SBNO2: variants seen among roughly 807,000 people sequenced by gnomAD.
The protein encoded by SBNO2 is protein strawberry notch homolog 2.
In SBNO2, 89 loss-of-function variants were observed where a neutral mutation model predicts 146.3. That is an observed-to-expected ratio of 0.61 (90% CI 0.51 to 0.73). The LOEUF (loss-of-function observed/expected upper bound fraction) is 0.73, where lower values mean the gene tolerates loss of function less well. Ranked by LOEUF, SBNO2 falls within the 30% of genes least tolerant of loss-of-function variation. The probability of loss-of-function intolerance (pLI) is 0.00; values close to 1 mark genes in which losing one functional copy is unlikely to be tolerated. For synonymous variants in SBNO2, 1,147 were observed against 892.6 expected (o/e 1.29, Z -5.08); for missense variants, 2,092 against 2,003.7 (o/e 1.04, Z -0.84).
At chr19:1,123,707 G>T in intron 6 of SBNO2, 68 bp from the exon 7 acceptor site, 1 of 1,452,878 alleles carries the variant, frequency 6.9e-7, no homozygotes, top group Non-Finnish European at 9.4e-7. Flanking sequence ...GGCTCCCCCA[G>T]GGGCAGGGGC....
chr19:1,111,090 A>G lies in SBNO2; in HGVS notation c.2813T>C (p.Met938Thr). The change falls in exon 25 of 32, where the codon ATG becomes ACG. Residue 938 changes from methionine to threonine, a missense_variant. By Grantham distance (81) the Met-to-Thr change is moderately conservative (BLOSUM62 -1). Transcript: ENST00000361757. ...PGGVPTFFRD[M>T]KQGLLSVGIG... ...GCCCACAGACAGCAGGCCCTGCTTC[A>G]TGTCTGCGGGGAGAGGGGCCTCACA... 6.5e-7 allele frequency: 1 copy of G among 1,549,700 alleles called. No homozygotes were observed. Among genetic ancestry groups the G allele is most frequent in the Non-Finnish European group, 8.7e-7 (1 of 1,148,788 alleles).
Position 1,109,737 on chromosome 19 carries a change from C to G in SBNO2, c.3069G>C (p.Gln1023His). The G allele has an allele frequency of 6.2e-7, 1 of 1,605,738 alleles. No individual in the cohort carries two copies. The highest frequency in any genetic ancestry group is 8.5e-7 in the Non-Finnish European group (1 of 1,175,312). Reference protein sequence around the residue: ...PGIEEIYEESQQVFLAPGHPQ... With the variant: ...PGIEEIYEESHQVFLAPGHPQ... ...GGTGCCCGGGAGCCAGGAACACCTG[C>G]TGGCTCTCCTCGTAGATCTCCTCGA... Residue 1023 changes from glutamine to histidine, a missense_variant, in exon 27 of 32, where the codon CAG becomes CAC. Transcript: ENST00000361757. This position sits in a 1 kb window ranked among gnomAD's most constrained non-coding sequence, Gnocchi z 4.2.
chr19:1,163,928 G>A (rs865856475), intron 1 of SBNO2, among the ~76,000 whole-genome samples: 1 of 152,302 alleles, frequency 6.6e-6, no homozygotes, highest in East Asian at 1.9e-4. Context: ...CATACCCCAG[G>A]AGCCCACGTG....
At chr19:1,123,446 G>T in intron 7 of SBNO2, 88 bp downstream of exon 7, 1 of 1,078,894 alleles carries the variant, frequency 9.3e-7, no homozygotes, top group Non-Finnish European at 1.4e-6. Flanking sequence ...CCCTCTGTGG[G>T]CTGTGCGGGC....
rs1451263923 is a variant in SBNO2 at position 1,149,350 on chromosome 19, G to C, written c.167+19C>G. The stretch of plus-strand genomic sequence containing the variant: ...ATGAGCAAGCCTGGGGGCCAGGCGG[G>C]GAGGGTCCCGGTACTCACCGGCTGT... On this transcript the variant is annotated intron_variant, in intron 3 of 31. Transcript: ENST00000361757. The C allele has an allele frequency of 1.9e-6, 3 of 1,549,552 alleles. No homozygotes were observed. The highest frequency in any genetic ancestry group is 2.6e-6 in the Non-Finnish European group (3 of 1,146,054).
chr19:1,109,502 C>A lies in SBNO2; in HGVS notation c.3216+4G>T. 1 of 1,592,468 alleles carries A rather than the reference C, an allele frequency of 6.3e-7. No individual in the cohort carries two copies. Among genetic ancestry groups the A allele is most frequent in the Non-Finnish European group, 8.5e-7 (1 of 1,170,998 alleles). On this transcript the variant is annotated splice_donor_region_variant and intron_variant, in intron 28 of 31. Transcript: ENST00000361757. The surrounding 1 kb of genome is among the most constrained non-coding windows in gnomAD (Gnocchi z 4.2). ...TCTGGGGGGGTAACCCCGCCCGACC[C>A]CACCTTGTAGGAGAGGTAGAAGCCG...
chr19:1,170,026 C>T (rs986221044), intron 1 of SBNO2, among the ~76,000 whole-genome samples: 24 of 152,222 alleles, frequency 1.6e-4, no homozygotes, highest in Non-Finnish European at 7.3e-5. Flanking sequence ...CATCTGTGGA[C>T]TGCCCTGCTC....
Position 1,116,842 on chromosome 19 carries a change from C to A in SBNO2, c.1789G>T (p.Val597Phe), listed in dbSNP as rs375519267. 8.2e-6 allele frequency: 13 copies of A among 1,590,036 alleles called. No homozygotes were observed. Among genetic ancestry groups the A allele is most frequent in the African/African-American group, 2.7e-5 (2 of 74,510 alleles). ...GENDGHLNCFVSAAEGVFLSL... is the reference protein window; with the variant it reads ...GENDGHLNCFFSAAEGVFLSL... ...CGTGACACTTACTCAGCGGCCGAGACGAAGCAGTTGAGGTGCCCATCGTTC... is the reference window on the plus strand; with the variant it reads ...CGTGACACTTACTCAGCGGCCGAGAAGAAGCAGTTGAGGTGCCCATCGTTC... The change falls in exon 16 of 32, where the codon GTC becomes TTC. Residue 597 changes from valine to phenylalanine, a missense_variant. Physicochemically the swap from Val to Phe is conservative, Grantham distance 50. Transcript: ENST00000361757.
intron 1 of SBNO2, among the ~76,000 whole-genome samples, chr19:1,165,232 C>T (rs1055593004): frequency 6.6e-5 from 10 of 152,138 alleles, no homozygotes; most frequent in African/African-American, 2.4e-4. Flanking sequence ...TCAGCTGACC[C>T]CACAGCCCCA....
At chr19:1,146,248 C>T (rs1226437367) in intron 4 of SBNO2, among the ~76,000 whole-genome samples, 1 of 152,198 alleles carries the variant, frequency 6.6e-6, no homozygotes, top group Non-Finnish European at 1.5e-5. Flanking sequence ...ACTTGACGGA[C>T]GCGGTCACCC....
rs145686910 is a variant in SBNO2 at position 1,136,971 on chromosome 19, AG to A, written c.280-9207del. Among the ~76,000 whole-genome samples, 1 of 151,366 alleles carries A rather than the reference AG, an allele frequency of 6.6e-6. No individual in the cohort carries two copies. Among genetic ancestry groups the A allele is most frequent in the African/African-American group, 2.4e-5 (1 of 41,104 alleles). The stretch of plus-strand genomic sequence containing the variant: ...GTCCTCACAGGACAGGTGGTGGGCA[AG>A]GGGGCAGCACCTGGGGAATGGGGAT... On this transcript the variant is annotated intron_variant, in intron 4 of 31. Transcript: ENST00000361757. This position sits in a 1 kb window ranked among gnomAD's most constrained non-coding sequence, Gnocchi z 4.2.
chr19:1,110,847 C>G lies in SBNO2; in HGVS notation c.2926G>C (p.Glu976Gln). 1 of 1,613,704 alleles carries G rather than the reference C, an allele frequency of 6.2e-7. No homozygotes were observed. Among genetic ancestry groups the G allele is most frequent in the East Asian group, 2.2e-5 (1 of 44,874 alleles). The change falls in exon 26 of 32, where the codon GAG becomes CAG. Residue 976 changes from glutamate (E) to glutamine (Q), a missense_variant. By Grantham distance (29) the Glu-to-Gln change is conservative. Transcript: ENST00000361757. The surrounding 1 kb of genome is among the most constrained non-coding windows in gnomAD (Gnocchi z 4.9). Reference protein sequence around the residue: ...TKFLNRILGLEVHKQNALFQY... With the variant: ...TKFLNRILGLQVHKQNALFQY... ...AACAGGGCGTTCTGCTTGTGCACCT[C>G]CAGCCCCAGGATGCGGTTCAGGAAC... is the stretch of plus-strand genomic sequence containing the variant.
chr19:1,113,666 CG>C lies in SBNO2; in HGVS notation c.2115del (p.Val707SerfsTer8). ...LCLLQRDPHG[P>X]GVLERVERLK... ...AGCCGCTCCACCCGCTCCAGGACCCCGGGGCCATGCGGGTCTCTCTGCAGGA... is the reference window on the plus strand; with the variant it reads ...AGCCGCTCCACCCGCTCCAGGACCCCGGGCCATGCGGGTCTCTCTGCAGGA... On this transcript the variant is annotated frameshift_variant, in exon 19 of 32. Coordinates refer to ENST00000361757, the MANE Select transcript of SBNO2 (RefSeq NM_014963.3). LOFTEE classifies it high-confidence loss of function. The C allele has an allele frequency of 6.3e-7, 1 of 1,592,862 alleles. No homozygotes were observed. Among genetic ancestry groups the C allele is most frequent in the Non-Finnish European group, 8.5e-7 (1 of 1,170,880 alleles).
At position 1,158,266 on chromosome 19, in the gene SBNO2, G is replaced by A. The variant is rs751659990; in HGVS notation, c.-126-3864C>T. Among the ~76,000 whole-genome samples, 8 of 152,176 alleles carry A rather than the reference G, an allele frequency of 5.3e-5. No homozygotes were observed. The highest frequency in any genetic ancestry group is 1.0e-4 in the Non-Finnish European group (7 of 68,028). On this transcript the variant is annotated intron_variant, in intron 1 of 31. Coordinates refer to ENST00000361757, the MANE Select transcript of SBNO2 (RefSeq NM_014963.3). The surrounding 1 kb of genome is among the most constrained non-coding windows in gnomAD (Gnocchi z 9.9). Reference sequence around the variant, plus strand: ...CGCGCTCCGCCCTCAGACCCGAGCCGTCTGCAGATGGGGAGCTGTGTCCTC... The same window carrying A: ...CGCGCTCCGCCCTCAGACCCGAGCCATCTGCAGATGGGGAGCTGTGTCCTC...
Position 1,108,277 on chromosome 19 carries a change from C to T in SBNO2, c.4044G>A (p.Glu1348=), listed in dbSNP as rs751224663. ...GGCTGAACTGGATCACGCTCTGCCG[C>T]TCGGGACCACCGCCCGCCGCGCCCC... ...GAGGAAGGGP[E]RQSVIQFSPP... The change falls in exon 32 of 32, where the codon GAG becomes GAA. Residue 1348 remains glutamate, a synonymous_variant. Transcript: ENST00000361757. The T allele has an allele frequency of 8.6e-6, 13 of 1,512,692 alleles. No homozygotes were observed. Among genetic ancestry groups the T allele is most frequent in the South Asian group, 2.4e-5 (2 of 82,310 alleles). The allele number at this position is 1,512,692 out of a possible 1,614,324, so 93.7% of individuals were successfully genotyped here.
chr19:1,166,595 G>A (rs978153237), intron 1 of SBNO2, among the ~76,000 whole-genome samples: 2 of 141,276 alleles, frequency 1.4e-5, no homozygotes, highest in Non-Finnish European at 3.1e-5. Context: ...CTGGGCAACA[G>A]AGCGAGACCG....
intron 4 of SBNO2, among the ~76,000 whole-genome samples, chr19:1,131,505 G>C (rs1385510044): frequency 6.6e-6 from 1 of 152,176 alleles, no homozygotes; most frequent in Non-Finnish European, 1.5e-5. Context: ...GCCAACTCCA[G>C]ACCTGACTCC....
chr19:1,119,789 G>A (rs549014797), intron 12 of SBNO2, 117 bp downstream of exon 12: 4 of 969,510 alleles, frequency 4.1e-6, no homozygotes, highest in East Asian at 5.2e-5. Flanking sequence ...CCCAGTGTCC[G>A]AGGAGGAGCA....
rs1433651746 is a variant in SBNO2, at chr19:1,150,471, C to T, written c.94-1029G>A. ...CCCCACAGTCACGGGGGAGACCCTG[C>T]CGTCACGGATGCCCCCACGGTCACG... On this transcript the variant is annotated intron_variant, in intron 2 of 31. Transcript: ENST00000361757. The surrounding 1 kb of genome is among the most constrained non-coding windows in gnomAD (Gnocchi z 6.2). Among the ~76,000 whole-genome samples the T allele has an allele frequency of 2.6e-5, 4 of 151,572 alleles. No individual in the cohort carries two copies. Among genetic ancestry groups the T allele is most frequent in the East Asian group, 1.9e-4 (1 of 5,184 alleles).
Sources: gnomAD v4.1 joint callset for allele counts (sites outside exome capture counted in the v4.1 genomes callset) on GRCh38, gnomAD v4.1.1 for gene constraint, Gnocchi (gnomAD v3.1) non-coding constraint, MANE v1.5 for transcripts, NCBI Gene and HGNC (gene_info 2026-07-23, HGNC 2026-07-21) for gene names.